Variants in GPD1L observed in about 807,000 individuals in gnomAD.
GPD1L encodes glycerol-3-phosphate dehydrogenase 1-like protein.
In GPD1L, 17 loss-of-function variants were observed where a neutral mutation model predicts 32.9. The observed-to-expected ratio is 0.52, with a 90% CI of 0.35 to 0.78. The LOEUF (loss-of-function observed/expected upper bound fraction) is 0.78. GPD1L is among the 30% of genes least tolerant of loss of function. The pLI, the probability that GPD1L is intolerant of heterozygous loss-of-function variation, is 0.01. For synonymous variants in GPD1L, 187 were observed against 165.9 expected (o/e 1.13, Z -0.98); for missense variants, 361 against 447.8 (o/e 0.81, Z 1.75).
At chr3:32,140,953 G>A (rs558807157) in intron 4 of GPD1L, among the ~76,000 whole-genome samples, 4 of 152,188 alleles carry the variant, frequency 2.6e-5, no homozygotes, top group Admixed American at 6.5e-5. Context: ...TCACATTGAC[G>A]TTATGAAAAT....
At chr3:32,161,755 T>G (rs759082500) in intron 7 of GPD1L, among the ~76,000 whole-genome samples, 37 of 152,180 alleles carry the variant, frequency 2.4e-4, no homozygotes, top group South Asian at 6.2e-4. Flanking sequence ...CATCTCTCCT[T>G]GGTCATGTCC....
intron 5 of GPD1L, among the ~76,000 whole-genome samples, chr3:32,153,462 A>G (rs564692738): frequency 6.3e-4 from 96 of 152,268 alleles, no homozygotes; most frequent in African/African-American, 2.2e-3. Context: ...AGAAACTTCT[A>G]TTGGACAACG....
rs551877138 is a variant in GPD1L, at chr3:32,122,960, G to A, written c.48-5116G>A. ...TGTGCCATTACCCAGGCTGGATTGC[G>A]GTGGTATGATCATGGCTTACTGCAG... On this transcript the variant is annotated intron_variant, in intron 1 of 7. Transcript: ENST00000282541. Among the ~76,000 whole-genome samples, 96 of 152,154 alleles carry A rather than the reference G, an allele frequency of 6.3e-4. 2 individuals are homozygous for A. Among genetic ancestry groups the A allele is most frequent in the African/African-American group, 2.1e-3 (89 of 41,498 alleles).
chr3:32,138,542 T>G (rs777708856), intron 2 of GPD1L, 45 bp from the exon 3 acceptor site: 1 of 1,601,576 alleles, frequency 6.2e-7, no homozygotes, highest in Non-Finnish European at 8.6e-7. Flanking sequence ...ACAGGCAAGG[T>G]TTGATATAAG....
chr3:32,167,906 A>C lies in GPD1L; in HGVS notation c.*1996A>C, dbSNP rs942589023. 1 of 152,210 alleles carries C rather than the reference A, an allele frequency of 6.6e-6. No homozygotes were observed. Among genetic ancestry groups the C allele is most frequent in the Non-Finnish European group, 1.5e-5 (1 of 68,044 alleles). 9.4% of individuals were successfully genotyped at this position (152,210 alleles called of 1,614,324 possible). A position where few individuals can be genotyped will look rare whatever the true frequency, so the allele number is the denominator to read the frequency against. The stretch of plus-strand genomic sequence containing the variant: ...TCCAAGTTTCAGCAGTTTTAGCGCC[A>C]CCATTAACCCACTTTGCTTGTCTCA... On this transcript the variant is annotated 3_prime_UTR_variant, in exon 8 of 8. Transcript: ENST00000282541.
rs143622194 is a variant in GPD1L, at chr3:32,153,355, C to T, written c.619-5521C>T. On this transcript the variant is annotated intron_variant, in intron 5 of 7. Transcript: ENST00000282541. ...TTAAAATTCTTAAAAACTAAAAATT[C>T]CATTTCGGAGTCACAGTAACTACAT... Among the ~76,000 whole-genome samples the T allele has an allele frequency of 1.4e-4, 22 of 152,366 alleles. 1 individual carries two copies. Among genetic ancestry groups the T allele is most frequent in the African/African-American group, 4.6e-4 (19 of 41,582 alleles).
rs562348282 is a variant in GPD1L, at chr3:32,130,519, C to A, written c.225+2266C>A. ...TCTGTGTGAGACCCTCAAACTGCTG[C>A]CAACGTGACCCTTCCCCAGGTCCAC... On this transcript the variant is annotated intron_variant, in intron 2 of 7. Coordinates refer to ENST00000282541, the MANE Select transcript of GPD1L (RefSeq NM_015141.4). Among the ~76,000 whole-genome samples, 4 of 152,228 alleles carry A rather than the reference C, an allele frequency of 2.6e-5. No homozygotes were observed. In the South Asian group the frequency reaches 8.3e-4, roughly 32 times the overall value.
chr3:32,107,417 T>C (rs1559565888), intron 1 of GPD1L, among the ~76,000 whole-genome samples: 1 of 152,226 alleles, frequency 6.6e-6, no homozygotes, highest in East Asian at 1.9e-4. Context: ...TAACATTTTA[T>C]AGAGCACATT....
chr3:32,159,434 C>A, intron 6 of GPD1L, 134 bp from the exon 7 acceptor site: 1 of 683,906 alleles, frequency 1.5e-6, no homozygotes. Context: ...AGTTCGAGGC[C>A]AGCCTGCACA....
intron 1 of GPD1L, among the ~76,000 whole-genome samples, chr3:32,115,570 T>C (rs1700318588): frequency 6.6e-6 from 1 of 152,032 alleles, no homozygotes; most frequent in Non-Finnish European, 1.5e-5. Flanking sequence ...GCATGGGTTA[T>C]AGGCAAAAAA....
At chr3:32,108,274 C>T (rs904210910) in intron 1 of GPD1L, among the ~76,000 whole-genome samples, 1 of 152,116 alleles carries the variant, frequency 6.6e-6, no homozygotes, top group East Asian at 1.9e-4. Context: ...AATCCCAGCA[C>T]TTTGGGAGGC....
chr3:32,150,498 C>CT lies in GPD1L; in HGVS notation c.618+3778dup, dbSNP rs559342674. On this transcript the variant is annotated intron_variant, in intron 5 of 7. Coordinates refer to ENST00000282541, the MANE Select transcript of GPD1L (RefSeq NM_015141.4). ...CTAGTGGTCTTTTTTTTCTTAACAA[C>CT]TTTTTTTTTTTTTTGAGACAGAGTC... Among the ~76,000 whole-genome samples the CT allele has an allele frequency of 8.0e-4, 114 of 141,878 alleles. 1 individual carries two copies. Among genetic ancestry groups the CT allele is most frequent in the South Asian group, 4.3e-3 (19 of 4,452 alleles). 93.1% of individuals were successfully genotyped at this position (141,878 alleles called of 152,430 possible).
chr3:32,153,204 G>T (rs573485538), intron 5 of GPD1L, among the ~76,000 whole-genome samples: 18 of 152,220 alleles, frequency 1.2e-4, no homozygotes, highest in Admixed American at 2.6e-4. Context: ...CCCAGCTTTG[G>T]GTCTCATCTG....
chr3:32,113,310 A>G (rs1246218952), intron 1 of GPD1L, among the ~76,000 whole-genome samples: 5 of 152,144 alleles, frequency 3.3e-5, no homozygotes, highest in South Asian at 2.1e-4. Flanking sequence ...CTAAAAATCT[A>G]TCACCTCTAA....
chr3:32,144,225 C>T (rs1700788313), intron 4 of GPD1L, among the ~76,000 whole-genome samples: 1 of 152,074 alleles, frequency 6.6e-6, no homozygotes, highest in African/African-American at 2.4e-5. Context: ...GAATCGTGGC[C>T]CACTTGAATC....
chr3:32,129,361 C>T (rs568990008), intron 2 of GPD1L, among the ~76,000 whole-genome samples: 4 of 152,222 alleles, frequency 2.6e-5, no homozygotes, highest in East Asian at 1.9e-4. Context: ...CGGGGGAGAC[C>T]GATCTCTAAA....
At chr3:32,119,658 A>G (rs1303894915) in intron 1 of GPD1L, among the ~76,000 whole-genome samples, 4 of 152,224 alleles carry the variant, frequency 2.6e-5, no homozygotes, top group African/African-American at 9.6e-5. Context: ...TTTGACTGCA[A>G]AGAATTACGC....
At chr3:32,136,305 T>C (rs1449300068) in intron 2 of GPD1L, among the ~76,000 whole-genome samples, 1 of 152,362 alleles carries the variant, frequency 6.6e-6, no homozygotes, top group East Asian at 1.9e-4. Flanking sequence ...AGGCTACTCC[T>C]GAAGAATAAG....
chr3:32,135,444 TTTTG>T (rs1463569997), intron 2 of GPD1L, among the ~76,000 whole-genome samples: 1 of 150,576 alleles, frequency 6.6e-6, no homozygotes, highest in African/African-American at 2.5e-5. Context: ...AGGGTTGTTT[TTTTG>T]TTTGTTTTGT....
Sources: gnomAD v4.1 joint callset for allele counts (sites outside exome capture counted in the v4.1 genomes callset) on GRCh38, gnomAD v4.1.1 for gene constraint, MANE v1.5 for transcripts, NCBI Gene and HGNC (gene_info 2026-07-23, HGNC 2026-07-21) for gene names.